DDX46: variants seen among roughly 807,000 people sequenced by gnomAD.
DDX46 encodes probable ATP-dependent RNA helicase DDX46.
Under a neutral mutation model 134.9 loss-of-function variants are expected in DDX46, and 30 were observed. The observed-to-expected ratio is 0.22, with a 90% confidence interval of 0.17 to 0.30. The LOEUF is 0.30. Among genes scored for constraint, DDX46 ranks in the 10% least tolerant of loss-of-function variants. DDX46 has a pLI of 1.00. For missense variants in DDX46, 622 were observed against 1,248.7 expected, an observed-to-expected ratio of 0.50 and a Z score of 7.56; for synonymous variants, 415 against 404.1, an observed-to-expected ratio of 1.03 and a Z score of -0.32.
chr5:134,805,177 T>C (rs1450844782), intron 15 of DDX46: 1 of 174,362 alleles, frequency 5.7e-6, no homozygotes, highest in Non-Finnish European at 1.2e-5. Context: ...AACTGTATTT[T>C]TTTTTTTTTT....
At chr5:134,790,235 C>A in intron 12 of DDX46, 1 of 607,556 alleles carries the variant, frequency 1.6e-6, no homozygotes, top group South Asian at 1.5e-5. Context: ...ATGCAAGAGA[C>A]GAGTTTGACA....
chr5:134,821,539 T>G (rs1561875559), intron 21 of DDX46, among the ~76,000 whole-genome samples: 1 of 150,670 alleles, frequency 6.6e-6, no homozygotes, highest in Non-Finnish European at 1.5e-5. Context: ...GTTTTTTGTT[T>G]TTTTTTTTTT....
intron 15 of DDX46, among the ~76,000 whole-genome samples, chr5:134,801,915 CTA>C (rs1301245311): frequency 1.3e-5 from 2 of 152,044 alleles, no homozygotes; most frequent in African/African-American, 4.8e-5. Context: ...CATATGGTGA[CTA>C]TATCTAGGGA....
chr5:134,783,156 C>G, intron 9 of DDX46, 91 bp downstream of exon 9: 1 of 1,468,408 alleles, frequency 6.8e-7, no homozygotes, highest in Non-Finnish European at 9.1e-7. Context: ...CATTTTTACT[C>G]TAAAAAAACC....
chr5:134,777,901 AGT>A (rs1386912540), intron 6 of DDX46, 176 bp downstream of exon 6: 1 of 641,872 alleles, frequency 1.6e-6, no homozygotes, highest in Non-Finnish European at 2.4e-6. Flanking sequence ...TTTAGCTATA[AGT>A]GTTCTTTCAA....
chr5:134,773,687 TC>T lies in DDX46; in HGVS notation c.448-4del. 1.3e-6 allele frequency: 2 copies of T among 1,562,930 alleles called. No homozygotes were observed. Among genetic ancestry groups the T allele is most frequent in the African/African-American group, 1.4e-5 (1 of 72,254 alleles). On this transcript the variant is annotated splice_region_variant and splice_polypyrimidine_tract_variant and intron_variant, in intron 4 of 22. Coordinates refer to ENST00000452510, the MANE Select transcript of DDX46 (RefSeq NM_001300860.2). ...TCCCCCATCTCTTTCTTTCTTTTAT[TC>T]CCCCAAGAACTTTGACCAGAATAAG...
At chr5:134,769,528 GT>G (rs1338526745) in intron 3 of DDX46, among the ~76,000 whole-genome samples, 1 of 131,314 alleles carries the variant, frequency 7.6e-6, no homozygotes, top group African/African-American at 2.8e-5. Context: ...GACGGGGTTT[GT>G]TTTTTTTGTT....
chr5:134,809,430 T>C (rs963381558), intron 16 of DDX46, among the ~76,000 whole-genome samples: 4 of 152,112 alleles, frequency 2.6e-5, no homozygotes, highest in Non-Finnish European at 5.9e-5. Flanking sequence ...TGCAGTGGCA[T>C]GATCTTGGCT....
chr5:134,784,947 T>G (rs1754284470), intron 10 of DDX46, among the ~76,000 whole-genome samples: 1 of 152,242 alleles, frequency 6.6e-6, no homozygotes, highest in Non-Finnish European at 1.5e-5. Context: ...TGCCAGCATT[T>G]CATTCAAGAT....
At position 134,818,958 on chromosome 5, in the gene DDX46, C is replaced by T. The variant is rs1169666292; in HGVS notation, c.2931C>T (p.Gly977=). The T allele has an allele frequency of 6.2e-7, 1 of 1,613,912 alleles. No homozygotes were observed. The highest frequency in any genetic ancestry group is 1.7e-5 in the Admixed American group (1 of 59,990). Residue 977 remains glycine, a synonymous_variant, in exon 21 of 23, where the codon GGC becomes GGT. Transcript: ENST00000452510. ...TCAGAGGAACCTACTTCCCTCCTGG[C>T]AAAGAACCCAAGGAAGGCGAGCGGA... is the stretch of plus-strand genomic sequence containing the variant. The part of the protein sequence containing the change: ...ITIRGTYFPP[G]KEPKEGERKI...
Position 134,820,864 on chromosome 5 carries a change from CTTTT to C in DDX46, c.2977+1876_2977+1879del, listed in dbSNP as rs1180909732. Among the ~76,000 whole-genome samples the C allele has an allele frequency of 2.4e-4, 30 of 123,230 alleles. No homozygotes were observed. The Middle Eastern group carries it at 0.021, about 85-fold the overall frequency. 80.8% of individuals were successfully genotyped at this position (123,230 alleles called of 152,430 possible). A position where few individuals can be genotyped will look rare whatever the true frequency, so the allele number is the denominator to read the frequency against. ...TTAGAGTAATCTTTTCTTTTCTTTT[CTTTT>C]TTTTTTTTTTTTTTTGAGACAAAGT... is the stretch of plus-strand genomic sequence containing the variant. On this transcript the variant is annotated intron_variant, in intron 21 of 22. Coordinates refer to ENST00000452510, the MANE Select transcript of DDX46 (RefSeq NM_001300860.2).
chr5:134,806,709 T>C (rs1580809867), intron 15 of DDX46, among the ~76,000 whole-genome samples: 1 of 152,322 alleles, frequency 6.6e-6, no homozygotes, highest in East Asian at 1.9e-4. Context: ...TGCTAAACAG[T>C]GTATGTTAAA....
intron 22 of DDX46, among the ~76,000 whole-genome samples, chr5:134,828,255 G>T (rs990101261): frequency 6.6e-6 from 1 of 152,022 alleles, no homozygotes; most frequent in Non-Finnish European, 1.5e-5. Flanking sequence ...TTTTTGTTGG[G>T]GGGTGGGGGT....
At chr5:134,798,178 T>G (rs564724261) in intron 15 of DDX46, among the ~76,000 whole-genome samples, 54 of 151,278 alleles carry the variant, frequency 3.6e-4, no homozygotes, top group East Asian at 3.2e-3. Flanking sequence ...CCACCGTTTT[T>G]TTTTTTTTGT....
chr5:134,830,272 T>A lies in DDX46; in HGVS notation c.*1566T>A, dbSNP rs972064670. 3 of 152,092 alleles carry A rather than the reference T, an allele frequency of 2.0e-5. No individual in the cohort carries two copies. Among genetic ancestry groups the A allele is most frequent in the Non-Finnish European group, 1.5e-5 (1 of 68,018 alleles). 9.4% of individuals were successfully genotyped at this position (152,092 alleles called of 1,614,324 possible). A position where few individuals can be genotyped will look rare whatever the true frequency, so the allele number is the denominator to read the frequency against. On this transcript the variant is annotated 3_prime_UTR_variant, in exon 23 of 23. Transcript: ENST00000452510. Reference sequence around the variant, plus strand: ...TTTACATTGTGTTAGGTATTTTAAGTAATTTAAAGGTTACAGTATACAGGC... The same window carrying A: ...TTTACATTGTGTTAGGTATTTTAAGAAATTTAAAGGTTACAGTATACAGGC...
chr5:134,809,737 G>A (rs1444238881), intron 16 of DDX46, among the ~76,000 whole-genome samples: 3 of 151,980 alleles, frequency 2.0e-5, no homozygotes, highest in South Asian at 2.1e-4. Flanking sequence ...GGCCGGGCGC[G>A]GTGGCTCACG....
intron 15 of DDX46, among the ~76,000 whole-genome samples, chr5:134,802,863 C>G (rs1425428767): frequency 1.3e-5 from 2 of 152,090 alleles, no homozygotes; most frequent in Admixed American, 1.3e-4. Flanking sequence ...ATTCTCAATT[C>G]TCTGATGTCC....
At chr5:134,770,289 C>G (rs1753721204) in intron 3 of DDX46, among the ~76,000 whole-genome samples, 1 of 150,926 alleles carries the variant, frequency 6.6e-6, no homozygotes. Flanking sequence ...TAGCTGACTG[C>G]AGCCTCGAAC....
At chr5:134,795,527 G>T (rs1427630167) in intron 14 of DDX46, among the ~76,000 whole-genome samples, 1 of 152,142 alleles carries the variant, frequency 6.6e-6, no homozygotes, top group Non-Finnish European at 1.5e-5. Context: ...TTTAGTTTCT[G>T]TCACCAAAAG....
Sources: gnomAD v4.1 joint callset for allele counts (sites outside exome capture counted in the v4.1 genomes callset) on GRCh38, gnomAD v4.1.1 for gene constraint, MANE v1.5 for transcripts, NCBI Gene and HGNC (gene_info 2026-07-23, HGNC 2026-07-21) for gene names.